DTL: variants seen among roughly 807,000 people sequenced by gnomAD.
DTL encodes the protein denticleless protein homolog.
In DTL, 46 loss-of-function variants were observed where a neutral mutation model predicts 87.0. The observed-to-expected ratio is 0.53, with a 90% CI of 0.42 to 0.68. The LOEUF (loss-of-function observed/expected upper bound fraction) is 0.68, where lower values mean the gene tolerates loss of function less well. Among genes scored for constraint, DTL ranks in the 30% least tolerant of loss-of-function variants. The pLI is 0.00. For synonymous variants in DTL, 308 were observed against 311.2 expected (o/e 0.99, Z 0.11); for missense variants, 737 against 869.4 (o/e 0.85, Z 1.91).
chr1:212,097,020 A>C (rs1011094895), intron 13 of DTL, among the ~76,000 whole-genome samples: 1 of 152,142 alleles, frequency 6.6e-6, no homozygotes, highest in Non-Finnish European at 1.5e-5. Context: ...TCCTTTTAGC[A>C]GTTTTTGTAA....
At chr1:212,099,368 G>A (rs937170571) in intron 13 of DTL, among the ~76,000 whole-genome samples, 1 of 152,092 alleles carries the variant, frequency 6.6e-6, no homozygotes, top group Non-Finnish European at 1.5e-5. Context: ...TGAGTAGCTG[G>A]GACTACAGGT....
At chr1:212,060,010 T>C (rs527990603) in intron 5 of DTL, among the ~76,000 whole-genome samples, 9 of 152,076 alleles carry the variant, frequency 5.9e-5, no homozygotes, top group African/African-American at 1.7e-4. Flanking sequence ...ATGAAACCGA[T>C]CAAAGAAATT....
At chr1:212,075,881 C>G (rs1214237837) in intron 11 of DTL, among the ~76,000 whole-genome samples, 2 of 152,174 alleles carry the variant, frequency 1.3e-5, no homozygotes, top group Non-Finnish European at 2.9e-5. Flanking sequence ...TCTCTAATCC[C>G]CTCTTCCTCC....
intron 1 of DTL, among the ~76,000 whole-genome samples, chr1:212,039,656 C>T (rs182749958): frequency 3.1e-4 from 47 of 152,270 alleles, no homozygotes; most frequent in African/African-American, 8.2e-4. Flanking sequence ...AGAGTATAAA[C>T]ACAAAGCTAG....
At position 212,035,881 on chromosome 1, in the gene DTL, T is replaced by TC. The variant is rs773091965; in HGVS notation, c.-8dup. 1.2e-6 allele frequency: 2 copies of TC among 1,614,126 alleles called. No homozygotes were observed. Among genetic ancestry groups the TC allele is most frequent in the Non-Finnish European group, 1.7e-6 (2 of 1,179,982 alleles). ...CTTTTCTCTCAGCTGAGGCTTTTCC[T>TC]CCGACCCTGATGCTCTTCAATTCGG... On this transcript the variant is annotated 5_prime_UTR_variant, in exon 1 of 15. Coordinates refer to ENST00000366991, the MANE Select transcript of DTL (RefSeq NM_016448.4).
chr1:212,062,961 C>G lies in DTL; in HGVS notation c.526+12C>G. 3 of 1,603,232 alleles carry G rather than the reference C, an allele frequency of 1.9e-6. No individual in the cohort carries two copies. The highest frequency in any genetic ancestry group is 2.6e-6 in the Non-Finnish European group (3 of 1,170,322). ...GTGCAACAAAAAAGGTTATCTAGAT[C>G]TATTTTAATTTTGAGAGATTTGGGA... On this transcript the variant is annotated intron_variant, in intron 6 of 14. Coordinates refer to ENST00000366991, the MANE Select transcript of DTL (RefSeq NM_016448.4).
chr1:212,082,401 T>G (rs1655013312), intron 13 of DTL, among the ~76,000 whole-genome samples: 1 of 152,102 alleles, frequency 6.6e-6, no homozygotes, highest in African/African-American at 2.4e-5. Context: ...GAAGCAGGGT[T>G]GAAGTTTGCT....
At chr1:212,076,692 A>G (rs1455007648) in intron 11 of DTL, among the ~76,000 whole-genome samples, 3 of 152,178 alleles carry the variant, frequency 2.0e-5, no homozygotes, top group Non-Finnish European at 4.4e-5. Context: ...CCTTGGGTGA[A>G]GAGAAACTTA....
chr1:212,068,554 A>G (rs376229134), intron 9 of DTL, 45 bp from the exon 10 acceptor site: 10 of 1,216,788 alleles, frequency 8.2e-6, no homozygotes, highest in Non-Finnish European at 1.2e-5. Flanking sequence ...CCTCAGATCT[A>G]CTCACCATCA....
At chr1:212,064,657 A>G (rs79236180) in intron 6 of DTL, among the ~76,000 whole-genome samples, 3,996 of 152,272 alleles carry the variant, frequency 0.026, 58 homozygotes, top group African/African-American at 0.047. Context: ...CATTGTCTGG[A>G]TGAACCAAAG....
chr1:212,052,525 T>C (rs749130486), intron 5 of DTL, among the ~76,000 whole-genome samples: 13 of 151,282 alleles, frequency 8.6e-5, no homozygotes, highest in Admixed American at 2.6e-4. Context: ...TAATCCCAGC[T>C]ACTCAGGAGG....
At chr1:212,096,365 T>G (rs112287413) in intron 13 of DTL, among the ~76,000 whole-genome samples, 1 of 152,106 alleles carries the variant, frequency 6.6e-6, no homozygotes, top group African/African-American at 2.4e-5. Context: ...TGTTGTTTCA[T>G]TTTTATTAAG....
chr1:212,055,310 C>T (rs961335587), intron 5 of DTL, among the ~76,000 whole-genome samples: 1 of 152,114 alleles, frequency 6.6e-6, no homozygotes, highest in African/African-American at 2.4e-5. Context: ...ATGGGAGACC[C>T]CTTGATGCTC....
intron 11 of DTL, among the ~76,000 whole-genome samples, chr1:212,074,550 C>G (rs1273957276): frequency 6.6e-6 from 1 of 152,160 alleles, no homozygotes. Flanking sequence ...CCTGTCCACA[C>G]ATAACTCGGT....
At chr1:212,068,776 G>A (rs1654587100) in intron 10 of DTL, 73 bp downstream of exon 10, 2 of 952,136 alleles carry the variant, frequency 2.1e-6, no homozygotes, top group East Asian at 4.9e-5. Context: ...ATAATTTAAT[G>A]GGCTTTCTTC....
chr1:212,036,059 G>A, intron 1 of DTL, 117 bp downstream of exon 1: 2 of 968,890 alleles, frequency 2.1e-6, no homozygotes, highest in South Asian at 1.4e-5. Context: ...GTTCTCCCAT[G>A]GCAAGGGTAA....
chr1:212,074,765 T>C (rs1026146113), intron 11 of DTL, among the ~76,000 whole-genome samples: 4 of 151,944 alleles, frequency 2.6e-5, no homozygotes, highest in Non-Finnish European at 5.9e-5. Context: ...AGTATTAGAA[T>C]TTTTTCTATG....
intron 8 of DTL, 34 bp from the exon 9 acceptor site, chr1:212,068,190 G>T: frequency 6.9e-7 from 1 of 1,442,338 alleles, no homozygotes; most frequent in Non-Finnish European, 9.6e-7. Context: ...GTTGGAAGAA[G>T]GTCTACAAAA....
At chr1:212,050,630 T>C (rs1045357291) in intron 5 of DTL, among the ~76,000 whole-genome samples, 1 of 152,192 alleles carries the variant, frequency 6.6e-6, no homozygotes, top group Non-Finnish European at 1.5e-5. Flanking sequence ...AGAAACATTC[T>C]TGATCCTTCC....
Sources: gnomAD v4.1 joint callset for allele counts (sites outside exome capture counted in the v4.1 genomes callset) on GRCh38, gnomAD v4.1.1 for gene constraint, MANE v1.5 for transcripts, NCBI Gene and HGNC (gene_info 2026-07-23, HGNC 2026-07-21) for gene names.